Variants in CACNG3 observed in about 807,000 individuals in gnomAD.
The protein encoded by CACNG3 is calcium voltage-gated channel auxiliary subunit gamma 3, also known as voltage-dependent calcium channel gamma-3 subunit.
A neutral mutation model predicts 28.5 loss-of-function variants in CACNG3; 3 were observed. The ratio of observed to expected loss-of-function variants is 0.11; its 90% CI spans 0.05 to 0.27. The LOEUF (loss-of-function observed/expected upper bound fraction) is 0.27. CACNG3 is among the 10% of genes least tolerant of loss of function. The pLI is 1.00. For missense variants in CACNG3, 236 were observed against 414.4 expected, an observed-to-expected ratio of 0.57 and a Z score of 3.74; for synonymous variants, 174 against 162.2, an observed-to-expected ratio of 1.07 and a Z score of -0.55.
At chr16:24,295,363 C>T (rs1299789043) in intron 1 of CACNG3, among the ~76,000 whole-genome samples, 1 of 152,188 alleles carries the variant, frequency 6.6e-6, no homozygotes, top group African/African-American at 2.4e-5. Context: ...TCTCAACTTG[C>T]TACTCCTGGT....
intron 1 of CACNG3, among the ~76,000 whole-genome samples, chr16:24,326,321 G>A (rs1300683738): frequency 1.3e-5 from 2 of 151,966 alleles, no homozygotes; most frequent in African/African-American, 4.8e-5. Flanking sequence ...ACAGGCATGC[G>A]CCAGTAGGCC....
intron 1 of CACNG3, among the ~76,000 whole-genome samples, chr16:24,331,465 C>G (rs566493588): frequency 6.6e-5 from 10 of 152,326 alleles, no homozygotes; most frequent in Non-Finnish European, 1.5e-4. Flanking sequence ...CTGTTCCACC[C>G]CCATCACCAG....
rs1005878303 is a variant in CACNG3 at position 24,296,468 on chromosome 16, A to G, written c.211+39503A>G. On this transcript the variant is annotated intron_variant, in intron 1 of 3. Coordinates refer to ENST00000005284, the MANE Select transcript of CACNG3 (RefSeq NM_006539.4). ...GATTAGAGCTGCAAAGAAGCTGCTC[A>G]CGGGACTGTGGCGATACTACCGTTA... 4.6e-5 allele frequency among the ~76,000 whole-genome samples: 7 copies of G among 152,298 alleles called. 1 individual carries two copies. The highest frequency in any genetic ancestry group is 3.9e-4 in the Admixed American group (6 of 15,298).
At chr16:24,261,077 T>C (rs891335791) in intron 1 of CACNG3, among the ~76,000 whole-genome samples, 2 of 152,206 alleles carry the variant, frequency 1.3e-5, no homozygotes, top group Admixed American at 6.5e-5. Flanking sequence ...GAATGTTATT[T>C]TCCCTCTTTG....
At chr16:24,274,007 T>C (rs140478188) in intron 1 of CACNG3, among the ~76,000 whole-genome samples, 1 of 152,008 alleles carries the variant, frequency 6.6e-6, no homozygotes, top group African/African-American at 2.4e-5. Flanking sequence ...GCCAATATGG[T>C]GCAACCTCTT....
intron 1 of CACNG3, among the ~76,000 whole-genome samples, chr16:24,342,979 C>T (rs138009511): frequency 0.084 from 12,811 of 151,974 alleles, 603 homozygotes; most frequent in Non-Finnish European, 0.096. Context: ...CAGCTGAGGC[C>T]AGGAGTTCAA....
intron 1 of CACNG3, among the ~76,000 whole-genome samples, chr16:24,297,275 AAAAT>A (rs562575049): frequency 2.4e-5 from 3 of 126,490 alleles, no homozygotes; most frequent in South Asian, 2.3e-4. Context: ...AAAATAAAAT[AAAAT>A]AAATAAATAA....
In CACNG3 at chr16:24,287,556, T is replaced by A. The variant is rs76134444; in HGVS notation, c.211+30591T>A. Reference sequence around the variant, plus strand: ...AAAAGGAAGAAAAAGAAAAAAAAAATGTAGACTCTGGAGTCAGAATGACCT... The same window carrying A: ...AAAAGGAAGAAAAAGAAAAAAAAAAAGTAGACTCTGGAGTCAGAATGACCT... On this transcript the variant is annotated intron_variant, in intron 1 of 3. Transcript: ENST00000005284. Among the ~76,000 whole-genome samples, 1,016 of 126,486 alleles carry A rather than the reference T, an allele frequency of 8.0e-3. 13 individuals are homozygous for A. The highest frequency in any genetic ancestry group is 0.028 in the African/African-American group (935 of 33,996). 83.0% of individuals were successfully genotyped at this position (126,486 alleles called of 152,430 possible).
intron 1 of CACNG3, among the ~76,000 whole-genome samples, chr16:24,321,561 T>C (rs1899459477): frequency 6.6e-6 from 1 of 152,238 alleles, no homozygotes; most frequent in Admixed American, 6.5e-5. Flanking sequence ...TTTTACTTAA[T>C]AGCATCCCCA....
intron 1 of CACNG3, among the ~76,000 whole-genome samples, chr16:24,305,158 G>A (rs772858813): frequency 2.0e-5 from 3 of 152,052 alleles, no homozygotes; most frequent in Non-Finnish European, 2.9e-5. Flanking sequence ...TGTGACAAAT[G>A]TGCCATTCTG....
chr16:24,308,531 G>A (rs1383418960), intron 1 of CACNG3, among the ~76,000 whole-genome samples: 1 of 152,076 alleles, frequency 6.6e-6, no homozygotes, highest in Non-Finnish European at 1.5e-5. Context: ...TTCTTGTGCA[G>A]GCCTGAACCC....
At chr16:24,360,393 A>G (rs1900089931) in intron 3 of CACNG3, among the ~76,000 whole-genome samples, 1 of 152,162 alleles carries the variant, frequency 6.6e-6, no homozygotes, top group Non-Finnish European at 1.5e-5. Context: ...TTCCAACAAT[A>G]TTGGCACTTT....
chr16:24,290,337 A>G (rs986793593), intron 1 of CACNG3, among the ~76,000 whole-genome samples: 1 of 152,230 alleles, frequency 6.6e-6, no homozygotes, highest in African/African-American at 2.4e-5. Flanking sequence ...CATGCATATC[A>G]TAAAGAACTA....
chr16:24,281,158 A>G (rs1898821936), intron 1 of CACNG3, among the ~76,000 whole-genome samples: 1 of 152,142 alleles, frequency 6.6e-6, no homozygotes, highest in Non-Finnish European at 1.5e-5. Flanking sequence ...CAAGATGGGG[A>G]ACAGCAGCTC....
At chr16:24,281,700 A>T (rs1358392518) in intron 1 of CACNG3, among the ~76,000 whole-genome samples, 2 of 152,220 alleles carry the variant, frequency 1.3e-5, no homozygotes, top group Non-Finnish European at 2.9e-5. Context: ...GGAGGGGCAT[A>T]GATCCCCAAA....
At chr16:24,336,995 T>C (rs899831690) in intron 1 of CACNG3, among the ~76,000 whole-genome samples, 4 of 151,990 alleles carry the variant, frequency 2.6e-5, no homozygotes, top group African/African-American at 9.7e-5. Flanking sequence ...CTAAACTTTT[T>C]GTAGAGAGGG....
At chr16:24,309,360 A>G (rs1899229599) in intron 1 of CACNG3, among the ~76,000 whole-genome samples, 1 of 152,238 alleles carries the variant, frequency 6.6e-6, no homozygotes, top group South Asian at 2.1e-4. Flanking sequence ...CACCAGAGCC[A>G]GGATTCTAAT....
At chr16:24,275,218 T>A (rs1275620518) in intron 1 of CACNG3, among the ~76,000 whole-genome samples, 1 of 152,122 alleles carries the variant, frequency 6.6e-6, no homozygotes, top group Admixed American at 6.5e-5. Context: ...TATGATTTGC[T>A]TTTTTCAATG....
intron 1 of CACNG3, among the ~76,000 whole-genome samples, chr16:24,341,143 T>C (rs1272405013): frequency 6.6e-6 from 1 of 152,220 alleles, no homozygotes; most frequent in African/African-American, 2.4e-5. Context: ...ACGATCCCAG[T>C]TTTGTAAAGC....
Sources: gnomAD v4.1 joint callset for allele counts (sites outside exome capture counted in the v4.1 genomes callset) on GRCh38, gnomAD v4.1.1 for gene constraint, MANE v1.5 for transcripts, NCBI Gene and HGNC (gene_info 2026-07-23, HGNC 2026-07-21) for gene names.